The following ATRNL1 variants were observed in gnomAD, a reference collection of about 807,000 sequenced individuals.
ATRNL1 encodes the protein attractin-like protein 1.
A neutral mutation model predicts 182.7 loss-of-function variants in ATRNL1; 95 were observed. That is an observed-to-expected ratio of 0.52 (90% confidence interval 0.44 to 0.62). ATRNL1 has a LOEUF of 0.62. Ranked by LOEUF, ATRNL1 falls within the 20% of genes least tolerant of loss-of-function variation. The pLI, the probability that ATRNL1 is intolerant of heterozygous loss-of-function variation, is 0.00. For missense variants in ATRNL1, 1,471 were observed against 1,679.5 expected (o/e 0.88, Z 2.17); for synonymous variants, 576 against 568.3 (o/e 1.01, Z -0.19).
intron 27 of ATRNL1, among the ~76,000 whole-genome samples, chr10:115,813,845 T>C (rs935929515): frequency 2.0e-5 from 3 of 152,184 alleles, no homozygotes; most frequent in Admixed American, 6.5e-5. Flanking sequence ...CATTTTTAAA[T>C]AATATTTTTT....
At chr10:115,257,784 C>T (rs1305788903) in intron 10 of ATRNL1, among the ~76,000 whole-genome samples, 1 of 152,174 alleles carries the variant, frequency 6.6e-6, no homozygotes, top group Non-Finnish European at 1.5e-5. Flanking sequence ...CCTTCAGGAG[C>T]TCTTGTAAGG....
chr10:115,614,864 G>T (rs1350141833), intron 26 of ATRNL1, among the ~76,000 whole-genome samples: 2 of 151,836 alleles, frequency 1.3e-5, no homozygotes, highest in African/African-American at 2.4e-5. Context: ...TTTTCCATTT[G>T]CCTGGAATAT....
chr10:115,588,170 A>T (rs1400887428), intron 26 of ATRNL1, among the ~76,000 whole-genome samples: 1 of 152,140 alleles, frequency 6.6e-6, no homozygotes, highest in African/African-American at 2.4e-5. Flanking sequence ...ATGTAGCATC[A>T]GTTTGGCTCT....
intron 26 of ATRNL1, among the ~76,000 whole-genome samples, chr10:115,559,450 G>GCA (rs142093002): frequency 3.1e-5 from 4 of 128,562 alleles, no homozygotes; most frequent in African/African-American, 9.8e-5. Context: ...GTGTGCGCGC[G>GCA]CGCACGCACG....
intron 3 of ATRNL1, among the ~76,000 whole-genome samples, chr10:115,123,885 G>C (rs1338693665): frequency 6.6e-6 from 1 of 151,882 alleles, no homozygotes; most frequent in African/African-American, 2.4e-5. Context: ...GATCTAGGTT[G>C]CTCATTCCTT....
At chr10:115,618,491 T>G (rs1393250600) in intron 26 of ATRNL1, among the ~76,000 whole-genome samples, 1 of 152,108 alleles carries the variant, frequency 6.6e-6, no homozygotes, top group Non-Finnish European at 1.5e-5. Flanking sequence ...GTATTTCATA[T>G]GTCACATTGG....
chr10:115,573,575 G>A (rs908344378), intron 26 of ATRNL1, among the ~76,000 whole-genome samples: 5 of 152,056 alleles, frequency 3.3e-5, no homozygotes, highest in African/African-American at 7.2e-5. Context: ...GGTCTTTGCC[G>A]GGGAACCGCC....
chr10:115,486,817 C>T (rs187808903), intron 24 of ATRNL1, among the ~76,000 whole-genome samples: 1 of 152,146 alleles, frequency 6.6e-6, no homozygotes, highest in Non-Finnish European at 1.5e-5. Context: ...TTGCCCATGC[C>T]TATGTCCTGA....
intron 27 of ATRNL1, among the ~76,000 whole-genome samples, chr10:115,774,313 A>C (rs1004145601): frequency 1.3e-4 from 20 of 151,642 alleles, no homozygotes; most frequent in Admixed American, 5.3e-4. Flanking sequence ...CTGTAATCCC[A>C]GCTACTCAAG....
chr10:115,686,288 A>G lies in ATRNL1; in HGVS notation c.3796-40960A>G, dbSNP rs543978055. The stretch of plus-strand genomic sequence containing the variant: ...TTGCCTTTGAGAAAGAAAACAGTAC[A>G]ATACCGCAAATGGTTCCTTACAGCA... On this transcript the variant is annotated intron_variant, in intron 26 of 28. Transcript: ENST00000355044. Among the ~76,000 whole-genome samples the G allele has an allele frequency of 3.3e-5, 5 of 152,126 alleles. No homozygotes were observed. The East Asian group carries it at 9.7e-4, about 29-fold the overall frequency.
At chr10:115,711,950 T>C (rs1448523147) in intron 26 of ATRNL1, among the ~76,000 whole-genome samples, 1 of 152,224 alleles carries the variant, frequency 6.6e-6, no homozygotes, top group African/African-American at 2.4e-5. Flanking sequence ...ATTATATTTC[T>C]TGGCAAGTTA....
At position 115,837,458 on chromosome 10, in the gene ATRNL1, T is replaced by G. The variant is rs964671236; in HGVS notation, c.3904-10419T>G. On this transcript the variant is annotated intron_variant, in intron 27 of 28. Transcript: ENST00000355044. ...GGAGACAGCTAGTAAGCAAAGAGGC[T>G]TCCCAAGCCACACACACACACACAC... 8.2e-4 allele frequency among the ~76,000 whole-genome samples: 110 copies of G among 133,966 alleles called. 2 individuals carry two copies. The highest frequency in any genetic ancestry group is 2.9e-3 in the African/African-American group (105 of 35,832). 87.9% of individuals were successfully genotyped at this position (133,966 alleles called of 152,430 possible). A position where few individuals can be genotyped will look rare whatever the true frequency, so the allele number is the denominator to read the frequency against.
At chr10:115,447,931 T>A (rs1268970774) in intron 21 of ATRNL1, among the ~76,000 whole-genome samples, 1 of 152,076 alleles carries the variant, frequency 6.6e-6, no homozygotes, top group Non-Finnish European at 1.5e-5. Flanking sequence ...TATTTGCCAA[T>A]CTGATGGTTT....
rs11815135 is a variant in ATRNL1 at position 115,332,884 on chromosome 10, T to C, written c.3038-1398T>C. The stretch of plus-strand genomic sequence containing the variant: ...TTGTTTCTGTCGTTGATTAGCTGTG[T>C]GACTTTGTGTAGTTGCTTAACCCAG... On this transcript the variant is annotated intron_variant, in intron 18 of 28. Coordinates refer to ENST00000355044, the MANE Select transcript of ATRNL1 (RefSeq NM_207303.4). Among the ~76,000 whole-genome samples the C allele has an allele frequency of 4.1e-3, 631 of 152,310 alleles. 4 individuals carry two copies. Among genetic ancestry groups the C allele is most frequent in the African/African-American group, 0.015 (607 of 41,576 alleles).
chr10:115,615,493 G>C (rs1424257970), intron 26 of ATRNL1, among the ~76,000 whole-genome samples: 1 of 151,944 alleles, frequency 6.6e-6, no homozygotes, highest in Non-Finnish European at 1.5e-5. Context: ...TCTGCTGTTA[G>C]TCTGATAGAG....
chr10:115,243,800 T>TA (rs1206258058), intron 10 of ATRNL1, among the ~76,000 whole-genome samples: 12 of 152,212 alleles, frequency 7.9e-5, no homozygotes, highest in South Asian at 2.1e-4. Flanking sequence ...GGTTTTTTTT[T>TA]ATCCCCTGTG....
At chr10:115,407,351 A>G (rs1174337988) in intron 20 of ATRNL1, among the ~76,000 whole-genome samples, 1 of 150,574 alleles carries the variant, frequency 6.6e-6, no homozygotes, top group Non-Finnish European at 1.5e-5. Context: ...GTAATGTAAT[A>G]TGCTTTAACA....
chr10:115,925,286 TG>T (rs1953191770), intron 28 of ATRNL1, among the ~76,000 whole-genome samples: 1 of 152,148 alleles, frequency 6.6e-6, no homozygotes, highest in Non-Finnish European at 1.5e-5. Context: ...AATACTATGT[TG>T]CATAAGAATG....
chr10:115,403,085 T>G (rs546909169), intron 20 of ATRNL1, among the ~76,000 whole-genome samples: 1 of 152,248 alleles, frequency 6.6e-6, no homozygotes, highest in South Asian at 2.1e-4. Context: ...AAGTCTCTTT[T>G]GTTTGTTTGT....
Sources: allele counts gnomAD v4.1 joint callset (sites outside exome capture counted in the v4.1 genomes callset), GRCh38; gene constraint gnomAD v4.1.1; transcripts MANE v1.5; gene names NCBI Gene and HGNC (gene_info 2026-07-23, HGNC 2026-07-21).